The following RAB31 variants were observed in gnomAD, a reference collection of about 807,000 sequenced individuals.
RAB31 encodes RAB31, member RAS oncogene family.
Under a neutral mutation model 25.6 loss-of-function variants are expected in RAB31, and 21 were observed. The observed-to-expected ratio is 0.82, with a 90% CI of 0.58 to 1.18. The LOEUF (loss-of-function observed/expected upper bound fraction) is 1.18, where lower values mean the gene tolerates loss of function less well. RAB31 is among the 50% of genes most tolerant of loss of function. The pLI is 0.00. For synonymous variants in RAB31, 87 were observed against 84.0 expected (o/e 1.04, Z -0.20); for missense variants, 196 against 250.1 (o/e 0.78, Z 1.46).
intron 1 of RAB31, among the ~76,000 whole-genome samples, chr18:9,752,761 G>A (rs1182710417): frequency 6.6e-6 from 1 of 152,138 alleles, no homozygotes; most frequent in African/African-American, 2.4e-5. Context: ...ACACATATTC[G>A]AGGATGCACA....
At position 9,814,110 on chromosome 18, in the gene RAB31, G is replaced by A. The variant is rs901253811; in HGVS notation, c.273+19G>A. ...CAAGCAGGTAAGAATGTCTCCTTCAGAATTTAGATGTCATTTATGGTGGTT... is the reference window on the plus strand; with the variant it reads ...CAAGCAGGTAAGAATGTCTCCTTCAAAATTTAGATGTCATTTATGGTGGTT... On this transcript the variant is annotated intron_variant, in intron 4 of 6. Transcript: ENST00000578921. 2.6e-6 allele frequency: 4 copies of A among 1,512,022 alleles called. No homozygotes were observed. The Admixed American group carries it at 5.5e-5, about 21-fold the overall frequency. The allele number at this position is 1,512,022 out of a possible 1,614,324, so 93.7% of individuals were successfully genotyped here.
intron 1 of RAB31, among the ~76,000 whole-genome samples, chr18:9,719,137 G>T (rs971193640): frequency 6.6e-6 from 1 of 150,410 alleles, no homozygotes; most frequent in Non-Finnish European, 1.5e-5. Context: ...GAGCGTGGTG[G>T]CGTGCGCCTA....
intron 6 of RAB31, 124 bp downstream of exon 6, chr18:9,845,815 T>A (rs2068759055): frequency 7.4e-7 from 1 of 1,354,742 alleles, no homozygotes; most frequent in Non-Finnish European, 9.6e-7. Context: ...ATGCCATGGA[T>A]ACAAAATCTA....
At chr18:9,813,100 G>A (rs556170139) in intron 3 of RAB31, among the ~76,000 whole-genome samples, 85 of 152,308 alleles carry the variant, frequency 5.6e-4, no homozygotes, top group Admixed American at 2.9e-3. Flanking sequence ...GACCTCTCCT[G>A]TCTGGGGATG....
chr18:9,804,041 G>T (rs1414126503), intron 3 of RAB31, among the ~76,000 whole-genome samples: 1 of 152,236 alleles, frequency 6.6e-6, no homozygotes, highest in Non-Finnish European at 1.5e-5. Flanking sequence ...CCGGGAGGTG[G>T]CCATGCTGGC....
At chr18:9,770,080 A>C (rs2068336328) in intron 1 of RAB31, among the ~76,000 whole-genome samples, 1 of 152,142 alleles carries the variant, frequency 6.6e-6, no homozygotes, top group Non-Finnish European at 1.5e-5. Flanking sequence ...ATGCTGCTGG[A>C]TTCAGTTTGC....
intron 1 of RAB31, among the ~76,000 whole-genome samples, chr18:9,738,550 T>C (rs1249796992): frequency 6.6e-6 from 1 of 152,188 alleles, no homozygotes; most frequent in Non-Finnish European, 1.5e-5. Flanking sequence ...ATGTGGAGGC[T>C]CCTGGAGGGC....
At chr18:9,748,689 G>C (rs71362098) in intron 1 of RAB31, among the ~76,000 whole-genome samples, 3 of 152,078 alleles carry the variant, frequency 2.0e-5, no homozygotes, top group African/African-American at 7.2e-5. Context: ...TCAGGAGTTC[G>C]AGACCAGCCT....
Position 9,827,295 on chromosome 18 carries a change from G to T in RAB31, c.380+12073G>T, listed in dbSNP as rs111607548. Among the ~76,000 whole-genome samples the T allele has an allele frequency of 2.9e-4, 44 of 152,226 alleles. 1 individual carries two copies. The highest frequency in any genetic ancestry group is 1.0e-3 in the African/African-American group (43 of 41,536). On this transcript the variant is annotated intron_variant, in intron 5 of 6. Coordinates refer to ENST00000578921, the MANE Select transcript of RAB31 (RefSeq NM_006868.4). ...AGAAGGATGAGGGAGGGATCAGGAA[G>T]TGCCGATGGGAGAAGACCCCTCAGA...
intron 2 of RAB31, among the ~76,000 whole-genome samples, chr18:9,777,713 T>C (rs994806503): frequency 1.7e-4 from 26 of 151,954 alleles, no homozygotes; most frequent in Non-Finnish European, 5.9e-5. Flanking sequence ...TCTAAACTTT[T>C]GTTTAAAAAT....
intron 1 of RAB31, among the ~76,000 whole-genome samples, chr18:9,747,951 C>G (rs74667313): frequency 0.14 from 20,685 of 152,154 alleles, 1,676 homozygotes; most frequent in East Asian, 0.27. Context: ...TAAATATTCT[C>G]CCCCTGAAAA....
At chr18:9,715,077 T>C (rs544884327) in intron 1 of RAB31, among the ~76,000 whole-genome samples, 2 of 152,236 alleles carry the variant, frequency 1.3e-5, no homozygotes, top group East Asian at 1.9e-4. Flanking sequence ...AGGCTTCTGG[T>C]TGGTTCCTGT....
At position 9,853,701 on chromosome 18, in the gene RAB31, T is replaced by G. The variant is rs543270607; in HGVS notation, c.491-5527T>G. On this transcript the variant is annotated intron_variant, in intron 6 of 6. Coordinates refer to ENST00000578921, the MANE Select transcript of RAB31 (RefSeq NM_006868.4). ...ACTGACTATCCTTAATAGTAATGTC[T>G]TCAGCAAATGTTGGTTCATCAGTTG... Among the ~76,000 whole-genome samples the G allele has an allele frequency of 2.6e-5, 4 of 152,348 alleles. No homozygotes were observed. In the East Asian group the frequency reaches 7.7e-4, roughly 29 times the overall value.
Position 9,708,924 on chromosome 18 carries a change from G to T in RAB31, c.39+480G>T, listed in dbSNP as rs1474004574. Reference sequence around the variant, plus strand: ...AAAGTTTAAGTTGCTCAGCCAAGTCGCTGAGTGCTCTTTTGCCTCCTGGGG... The same window carrying T: ...AAAGTTTAAGTTGCTCAGCCAAGTCTCTGAGTGCTCTTTTGCCTCCTGGGG... On this transcript the variant is annotated intron_variant, in intron 1 of 6. Transcript: ENST00000578921. This position sits in a 1 kb window ranked among gnomAD's most constrained non-coding sequence, Gnocchi z 6.4. Among the ~76,000 whole-genome samples, 3 of 152,236 alleles carry T rather than the reference G, an allele frequency of 2.0e-5. No homozygotes were observed. The highest frequency in any genetic ancestry group is 6.5e-5 in the Admixed American group (1 of 15,290).
At chr18:9,768,291 C>G (rs1448163490) in intron 1 of RAB31, among the ~76,000 whole-genome samples, 1 of 152,180 alleles carries the variant, frequency 6.6e-6, no homozygotes, top group African/African-American at 2.4e-5. Flanking sequence ...CTGTCTTCCA[C>G]AATGTTTGAA....
In RAB31 at chr18:9,859,518, C is replaced by T. The variant is rs968096865; in HGVS notation, c.*193C>T. 2.3e-5 allele frequency: 11 copies of T among 478,406 alleles called. No individual in the cohort carries two copies. The highest frequency in any genetic ancestry group is 2.0e-4 in the African/African-American group (10 of 50,336). 29.6% of individuals were successfully genotyped at this position (478,406 alleles called of 1,614,324 possible). A position where few individuals can be genotyped will look rare whatever the true frequency, so the allele number is the denominator to read the frequency against. On this transcript the variant is annotated 3_prime_UTR_variant, in exon 7 of 7. Transcript: ENST00000578921. ...AGGATTTTAGAAAACCCTGGGAAAA[C>T]CCACCACACCACCACAAAATGGCCT...
chr18:9,727,356 G>A (rs115799920), intron 1 of RAB31, among the ~76,000 whole-genome samples: 3,990 of 152,256 alleles, frequency 0.026, 145 homozygotes, highest in African/African-American at 0.091. Context: ...TCTCTCTGTC[G>A]TCTAGGCTAG....
intron 1 of RAB31, among the ~76,000 whole-genome samples, chr18:9,724,644 T>G (rs1443655857): frequency 6.6e-6 from 1 of 152,238 alleles, no homozygotes; most frequent in Non-Finnish European, 1.5e-5. Context: ...TGAGAAGGAT[T>G]GGTACATAGC....
chr18:9,747,987 T>C (rs1434719108), intron 1 of RAB31, among the ~76,000 whole-genome samples: 1 of 152,184 alleles, frequency 6.6e-6, no homozygotes, highest in Non-Finnish European at 1.5e-5. Context: ...ACACCTACGG[T>C]CAACGGCATC....
Sources: allele counts gnomAD v4.1 joint callset (sites outside exome capture counted in the v4.1 genomes callset), GRCh38; gene constraint gnomAD v4.1.1; non-coding constraint Gnocchi (gnomAD v3.1); transcripts MANE v1.5; gene names NCBI Gene and HGNC (gene_info 2026-07-23, HGNC 2026-07-21).